The following SS18 variants were observed in gnomAD, a reference collection of about 807,000 sequenced individuals.
The protein encoded by SS18 is protein SSXT.
A neutral mutation model predicts 72.5 loss-of-function variants in SS18; 28 were observed. The ratio of observed to expected loss-of-function variants is 0.39; its 90% confidence interval spans 0.29 to 0.53. SS18 has a LOEUF of 0.53. Among genes scored for constraint, SS18 ranks in the 20% least tolerant of loss-of-function variants. The pLI, the probability that SS18 is intolerant of heterozygous loss-of-function variation, is 0.76. For synonymous variants in SS18, 172 were observed against 164.2 expected (o/e 1.05, Z -0.37); for missense variants, 518 against 535.3 (o/e 0.97, Z 0.32).
chr18:26,060,244 C>A (rs2054095138), intron 3 of SS18, among the ~76,000 whole-genome samples: 1 of 152,164 alleles, frequency 6.6e-6, no homozygotes, highest in Non-Finnish European at 1.5e-5. Flanking sequence ...CATGCTACAA[C>A]ATGGATGAAC....
chr18:26,055,715 G>A (rs1473364025), intron 4 of SS18, among the ~76,000 whole-genome samples: 1 of 148,954 alleles, frequency 6.7e-6, no homozygotes, highest in East Asian at 2.0e-4. Context: ...ACACTTAACT[G>A]TAACTCCGTA....
At chr18:26,091,021 T>G (rs2054719914), upstream of SS18, 1 of 203,610 alleles carries the variant, frequency 4.9e-6, no homozygotes, top group Non-Finnish European at 1.0e-5. Context: ...TCCGGCCCTC[T>G]GAAGCGTCTC....
chr18:26,035,219 CA>C lies in SS18; in HGVS notation c.974-93del, dbSNP rs948123791. 52 of 1,364,512 alleles carry C rather than the reference CA, an allele frequency of 3.8e-5. No homozygotes were observed. In the African/African-American group the frequency reaches 6.8e-4, roughly 18 times the overall value. 84.5% of individuals were successfully genotyped at this position (1,364,512 alleles called of 1,614,324 possible). On this transcript the variant is annotated intron_variant, in intron 8 of 10. Coordinates refer to ENST00000415083, the MANE Select transcript of SS18 (RefSeq NM_001007559.3). This position sits in a 1 kb window ranked among gnomAD's most constrained non-coding sequence, Gnocchi z 4.4. ...AGATGCATAGCCAACAACACAAGAA[CA>C]AAATGAAATGCCATATTGATTTTTA...
rs77040077 is a variant in SS18, at chr18:26,065,256, C to A, written c.232-7514G>T. Among the ~76,000 whole-genome samples, 816 of 152,176 alleles carry A rather than the reference C, an allele frequency of 5.4e-3. 23 individuals carry two copies. In the East Asian group the frequency reaches 0.086, roughly 16 times the overall value. The stretch of plus-strand genomic sequence containing the variant: ...AAACTTTGCATGAAAATGCAAAGGA[C>A]CCAGAATGGCCAGGAAAATCTTGGG... On this transcript the variant is annotated intron_variant, in intron 3 of 10. Transcript: ENST00000415083.
At chr18:26,078,317 TAATA>T (rs1330085478) in intron 2 of SS18, 157 bp from the exon 3 acceptor site, 8 of 517,120 alleles carry the variant, frequency 1.5e-5, no homozygotes, top group Middle Eastern at 5.0e-4. Flanking sequence ...AAGTTCCAAA[TAATA>T]AATATTTAAA....
intron 10 of SS18, among the ~76,000 whole-genome samples, chr18:26,031,678 G>C (rs1316271531): frequency 1.3e-5 from 2 of 152,126 alleles, no homozygotes; most frequent in East Asian, 3.8e-4. Flanking sequence ...GGGTTCAAGG[G>C]AATACAGTCA....
rs934073948 is a variant in SS18 at position 26,032,773 on chromosome 18, A to G, written c.1097-241T>C. ...CTATGCCCTAGCCATTACAAAATAT[A>G]TTTCAAAATGGGTAAAAAAGACTCA... On this transcript the variant is annotated intron_variant, in intron 9 of 10. Transcript: ENST00000415083. Among the ~76,000 whole-genome samples, 16 of 152,324 alleles carry G rather than the reference A, an allele frequency of 1.1e-4. No homozygotes were observed. In the East Asian group the frequency reaches 2.9e-3, roughly 28 times the overall value.
chr18:26,016,736 A>G lies in SS18; in HGVS notation c.*1618T>C. 2 of 224,848 alleles carry G rather than the reference A, an allele frequency of 8.9e-6. No individual in the cohort carries two copies. The highest frequency in any genetic ancestry group is 1.1e-4 in the Admixed American group (2 of 17,392). 13.9% of individuals were successfully genotyped at this position (224,848 alleles called of 1,614,324 possible). On this transcript the variant is annotated 3_prime_UTR_variant, in exon 11 of 11. Transcript: ENST00000415083. ...AAGACTCCATCTCAAAAAAAAAAAC[A>G]AAGAACAAAAAACAAAAACAAAAAA...
At chr18:26,047,379 T>C (rs2053844352) in intron 5 of SS18, among the ~76,000 whole-genome samples, 1 of 151,650 alleles carries the variant, frequency 6.6e-6, no homozygotes, top group Non-Finnish European at 1.5e-5. Context: ...AATAGTCTAA[T>C]AAGCATGCTG....
At chr18:26,087,657 G>T in intron 1 of SS18, 80 bp from the exon 2 acceptor site, 1 of 814,688 alleles carries the variant, frequency 1.2e-6, no homozygotes, top group Non-Finnish European at 2.1e-6. Context: ...AGAAAGGGAG[G>T]GCATTAGTAA....
intron 3 of SS18, chr18:26,068,197 A>T (rs143709769): frequency 6.6e-6 from 1 of 152,354 alleles, no homozygotes; most frequent in African/African-American, 2.4e-5. Context: ...CACTGAAAAC[A>T]TTATTAAAAT....
intron 10 of SS18, among the ~76,000 whole-genome samples, chr18:26,024,417 T>C (rs1207744899): frequency 6.6e-6 from 1 of 152,156 alleles, no homozygotes; most frequent in Non-Finnish European, 1.5e-5. Flanking sequence ...CTCGACCTCC[T>C]GGGTTCATGC....
chr18:26,057,480 G>C, intron 4 of SS18, 109 bp downstream of exon 4: 1 of 1,267,968 alleles, frequency 7.9e-7, no homozygotes, highest in South Asian at 1.3e-5. Context: ...TTGTACTCGG[G>C]GGCATTCAAA....
chr18:26,022,573 TGA>T (rs2053371549), intron 10 of SS18, among the ~76,000 whole-genome samples: 1 of 152,064 alleles, frequency 6.6e-6, no homozygotes, highest in African/African-American at 2.4e-5. Context: ...CTAACTACCT[TGA>T]GAGTTTCCAG....
Position 26,087,483 on chromosome 18 carries a change from G to C in SS18, c.146+18C>G. 6.8e-7 allele frequency: 1 copy of C among 1,472,012 alleles called. No homozygotes were observed. The highest frequency in any genetic ancestry group is 9.3e-7 in the Non-Finnish European group (1 of 1,073,698). 91.2% of individuals were successfully genotyped at this position (1,472,012 alleles called of 1,614,324 possible). A position where few individuals can be genotyped will look rare whatever the true frequency, so the allele number is the denominator to read the frequency against. ...ATACAAAAAACTGAATAAAAAAAAA[G>C]TTTCTTATCAATCTTACTGAGAACA... On this transcript the variant is annotated intron_variant, in intron 2 of 10. Transcript: ENST00000415083.
At chr18:26,024,923 A>G (rs906088916) in intron 10 of SS18, among the ~76,000 whole-genome samples, 5 of 145,908 alleles carry the variant, frequency 3.4e-5, no homozygotes, top group Non-Finnish European at 7.5e-5. Flanking sequence ...TCTACTTGAA[A>G]TATAATTTAA....
chr18:26,018,754 G>T (rs1449939763), intron 10 of SS18, among the ~76,000 whole-genome samples: 1 of 152,200 alleles, frequency 6.6e-6, no homozygotes, highest in Non-Finnish European at 1.5e-5. Context: ...ATATGCTAGT[G>T]TGACAACTTT....
chr18:26,067,005 A>G (rs919624566), intron 3 of SS18, among the ~76,000 whole-genome samples: 15 of 152,202 alleles, frequency 9.9e-5, no homozygotes, highest in African/African-American at 3.6e-4. Context: ...ATTTTTTGGT[A>G]TATAAAAAGT....
At chr18:26,088,981 A>G (rs192299227) in intron 1 of SS18, among the ~76,000 whole-genome samples, 154 of 152,342 alleles carry the variant, frequency 1.0e-3, no homozygotes, top group African/African-American at 3.5e-3. Flanking sequence ...GCACGAATCC[A>G]GTCCTCAACC....
Sources: allele counts gnomAD v4.1 joint callset (sites outside exome capture counted in the v4.1 genomes callset), GRCh38; gene constraint gnomAD v4.1.1; non-coding constraint Gnocchi (gnomAD v3.1); transcripts MANE v1.5; gene names NCBI Gene and HGNC (gene_info 2026-07-23, HGNC 2026-07-21).